Variants in ARHGAP24 observed in about 807,000 individuals in gnomAD.
ARHGAP24 encodes the protein rho GTPase-activating protein 24.
In ARHGAP24, 50 loss-of-function variants were observed where a neutral mutation model predicts 76.4. That is an observed-to-expected ratio of 0.65 (90% CI 0.52 to 0.83). The LOEUF is 0.83. Among genes scored for constraint, ARHGAP24 ranks in the 40% least tolerant of loss-of-function variants. The pLI is 0.00. For missense variants in ARHGAP24, 930 were observed against 914.2 expected (o/e 1.02, Z -0.22); for synonymous variants, 345 against 323.3 (o/e 1.07, Z -0.72).
At chr4:85,729,159 T>A (rs918761003) in intron 3 of ARHGAP24, among the ~76,000 whole-genome samples, 2 of 152,156 alleles carry the variant, frequency 1.3e-5, no homozygotes, top group Non-Finnish European at 2.9e-5. Flanking sequence ...TAGGCAGCCG[T>A]GAAGCTTGTA....
At chr4:85,518,359 A>C (rs1273692393) in intron 1 of ARHGAP24, among the ~76,000 whole-genome samples, 1 of 151,990 alleles carries the variant, frequency 6.6e-6, no homozygotes, top group African/African-American at 2.4e-5. Flanking sequence ...TTTTTTTAAA[A>C]AAATTTATTT....
chr4:85,574,252 C>T (rs943710081), intron 2 of ARHGAP24, among the ~76,000 whole-genome samples: 17 of 152,120 alleles, frequency 1.1e-4, no homozygotes, highest in African/African-American at 4.1e-4. Flanking sequence ...CCATCATTAT[C>T]CTTATTATGA....
intron 2 of ARHGAP24, among the ~76,000 whole-genome samples, chr4:85,579,928 G>C (rs911799818): frequency 7.9e-5 from 12 of 152,088 alleles, no homozygotes; most frequent in African/African-American, 2.9e-4. Flanking sequence ...ATTTACAAGT[G>C]TTTTTGTAGC....
Position 85,728,241 on chromosome 4 carries a change from A to T in ARHGAP24, c.268+6269A>T, listed in dbSNP as rs200887010. On this transcript the variant is annotated intron_variant, in intron 3 of 9. Transcript: ENST00000395184. ...GCATTGATCCTTTTGCCAAAAAAAA[A>T]AAAAAAAAAAAAGGCAAATACCTAC... Among the ~76,000 whole-genome samples, 19 of 151,478 alleles carry T rather than the reference A, an allele frequency of 1.3e-4. No homozygotes were observed. The East Asian group carries it at 3.7e-3, about 29-fold the overall frequency.
chr4:85,942,023 A>C, intron 4 of ARHGAP24, 43 bp from the exon 5 acceptor site: 129 of 1,577,532 alleles, frequency 8.2e-5, no homozygotes, highest in Middle Eastern at 2.0e-4. Context: ...CAAAGTGGGA[A>C]GAGATAAATT....
intron 4 of ARHGAP24, among the ~76,000 whole-genome samples, chr4:85,925,686 G>A (rs1735981899): frequency 6.6e-6 from 1 of 152,062 alleles, no homozygotes; most frequent in South Asian, 2.1e-4. Context: ...TCATAGTTAT[G>A]TATGTATACG....
chr4:85,964,954 G>A (rs1738490005), intron 5 of ARHGAP24, among the ~76,000 whole-genome samples: 1 of 152,016 alleles, frequency 6.6e-6, no homozygotes, highest in African/African-American at 2.4e-5. Context: ...CTTTGTACAT[G>A]ATAAACTAGC....
chr4:85,516,520 A>G (rs922492067), intron 1 of ARHGAP24, among the ~76,000 whole-genome samples: 2 of 152,080 alleles, frequency 1.3e-5, no homozygotes, highest in African/African-American at 4.8e-5. Context: ...CTGTAGTCAT[A>G]ATTTTAATTT....
intron 3 of ARHGAP24, among the ~76,000 whole-genome samples, chr4:85,793,538 T>TA (rs1560636135): frequency 2.6e-5 from 4 of 152,212 alleles, no homozygotes; most frequent in Non-Finnish European, 5.9e-5. Flanking sequence ...GTTTTAGTTC[T>TA]ATTTATGGCA....
chr4:85,564,970 A>G (rs200497747), intron 1 of ARHGAP24, among the ~76,000 whole-genome samples: 4 of 116,498 alleles, frequency 3.4e-5, no homozygotes, highest in Non-Finnish European at 5.4e-5. Flanking sequence ...ATATATATAT[A>G]CCCACACCCA....
chr4:85,692,192 G>A (rs549021974), intron 2 of ARHGAP24, among the ~76,000 whole-genome samples: 2 of 152,248 alleles, frequency 1.3e-5, no homozygotes, highest in Non-Finnish European at 2.9e-5. Flanking sequence ...TTGATGAAGA[G>A]TCCACTGCTA....
At chr4:85,601,919 A>G (rs1720039554) in intron 2 of ARHGAP24, among the ~76,000 whole-genome samples, 1 of 152,126 alleles carries the variant, frequency 6.6e-6, no homozygotes, top group African/African-American at 2.4e-5. Context: ...CCAACTTTCC[A>G]CAGTGGGAGC....
At chr4:85,793,717 A>G (rs1728225542) in intron 3 of ARHGAP24, among the ~76,000 whole-genome samples, 1 of 152,204 alleles carries the variant, frequency 6.6e-6, no homozygotes, top group Non-Finnish European at 1.5e-5. Flanking sequence ...ATGTGTACAT[A>G]GAAAAGAAAA....
At chr4:85,993,151 G>A (rs1740436843) in intron 8 of ARHGAP24, among the ~76,000 whole-genome samples, 1 of 152,106 alleles carries the variant, frequency 6.6e-6, no homozygotes. Flanking sequence ...TTCTCAAAGT[G>A]TAATGCACCC....
chr4:85,494,684 A>AT (rs1186171312), intron 1 of ARHGAP24, among the ~76,000 whole-genome samples: 4 of 151,974 alleles, frequency 2.6e-5, no homozygotes, highest in African/African-American at 9.7e-5. Context: ...TGTCTCAAAA[A>AT]AAAAAATAAA....
In ARHGAP24 at chr4:85,995,626, C is replaced by G. The variant is rs2148872115; in HGVS notation, c.1972C>G (p.Gln658Glu). ...VSSLKQEMTK[Q>E]KIEYESRIKS... ...CAGCCTGAAACAGGAAATGACCAAACAGAAGATAGAGTATGAGTCCAGGAT... is the reference window on the plus strand; with the variant it reads ...CAGCCTGAAACAGGAAATGACCAAAGAGAAGATAGAGTATGAGTCCAGGAT... Residue 658 changes from glutamine to glutamate, a missense_variant, in exon 9 of 10, where the codon CAG becomes GAG. Gln to Glu is a conservative substitution (Grantham distance 29). Transcript: ENST00000395184. 1 of 1,613,902 alleles carries G rather than the reference C, an allele frequency of 6.2e-7. No homozygotes were observed. The highest frequency in any genetic ancestry group is 2.2e-5 in the East Asian group (1 of 44,840).
intron 3 of ARHGAP24, among the ~76,000 whole-genome samples, chr4:85,734,093 A>G (rs1256960532): frequency 2.0e-5 from 3 of 152,216 alleles, no homozygotes; most frequent in South Asian, 2.1e-4. Context: ...ACTATAATCC[A>G]GAACTCTACT....
intron 8 of ARHGAP24, among the ~76,000 whole-genome samples, chr4:85,987,724 T>A (rs888239004): frequency 2.0e-5 from 3 of 151,860 alleles, no homozygotes; most frequent in Non-Finnish European, 4.4e-5. Flanking sequence ...AAAGAATAAA[T>A]TCAGACTTAT....
At chr4:85,570,442 T>TC (rs1727093177) in intron 1 of ARHGAP24, 80 bp from the exon 2 acceptor site, 3 of 848,738 alleles carry the variant, frequency 3.5e-6, no homozygotes, top group Non-Finnish European at 5.4e-6. Flanking sequence ...TTTTTTTTTT[T>TC]CTGGAGAAGA....
Sources: gnomAD v4.1 joint callset for allele counts (sites outside exome capture counted in the v4.1 genomes callset) on GRCh38, gnomAD v4.1.1 for gene constraint, MANE v1.5 for transcripts, NCBI Gene and HGNC (gene_info 2026-07-23, HGNC 2026-07-21) for gene names.